Variants in IRAK2 observed in about 807,000 individuals in gnomAD.
IRAK2 encodes the protein interleukin-1 receptor-associated kinase-like 2.
Under a neutral mutation model 72.0 loss-of-function variants are expected in IRAK2, and 57 were observed. The observed-to-expected ratio is 0.79, with a 90% CI of 0.64 to 0.99. IRAK2 has a LOEUF of 0.99. Among genes scored for constraint, IRAK2 ranks in the 50% least tolerant of loss-of-function variants. IRAK2 has a pLI of 0.00. For missense variants in IRAK2, 790 were observed against 794.4 expected, an observed-to-expected ratio of 0.99 and a Z score of 0.07; for synonymous variants, 293 against 312.7, an observed-to-expected ratio of 0.94 and a Z score of 0.67.
chr3:10,177,628 A>G (rs1049189653), intron 1 of IRAK2, among the ~76,000 whole-genome samples: 1 of 152,120 alleles, frequency 6.6e-6, no homozygotes, highest in African/African-American at 2.4e-5. Flanking sequence ...CTTTCTCCTA[A>G]GTCATATGTA....
intron 12 of IRAK2, 58 bp from the exon 13 acceptor site, chr3:10,242,058 T>A (rs1477556923): frequency 5.2e-6 from 5 of 965,544 alleles, no homozygotes; most frequent in Non-Finnish European, 8.2e-6. Context: ...ACTTTAAGAA[T>A]TATAATAATA....
At chr3:10,199,940 T>G (rs1159841534) in intron 2 of IRAK2, among the ~76,000 whole-genome samples, 2 of 142,938 alleles carry the variant, frequency 1.4e-5, no homozygotes, top group Admixed American at 7.4e-5. Flanking sequence ...CAGGCTGGAG[T>G]GTAGTGGTGC....
At position 10,216,951 on chromosome 3, in the gene IRAK2, T is replaced by A; in HGVS notation, c.806T>A (p.Val269Asp). Residue 269 changes from valine (V) to aspartate (D), a missense_variant, in exon 7 of 13, where the codon GTC (valine) becomes GAC (aspartate). Coordinates refer to ENST00000256458, the MANE Select transcript of IRAK2 (RefSeq NM_001570.4). ...GATTCCAGATGCTGCCACCCCAATG[T>A]CTTACCTGTGCTGGGCTTCTGTGCT... ...QICLRCCHPN[V>D]LPVLGFCAAR... 1 of 1,614,106 alleles carries A rather than the reference T, an allele frequency of 6.2e-7. No individual in the cohort carries two copies. Among genetic ancestry groups the A allele is most frequent in the Non-Finnish European group, 8.5e-7 (1 of 1,179,958 alleles).
At chr3:10,238,623 ACAAAACAACCAGCATTAGGTTCTTCAGT>A in intron 11 of IRAK2, 97 bp from the exon 12 acceptor site, 1 of 939,218 alleles carries the variant, frequency 1.1e-6, no homozygotes, top group South Asian at 1.6e-5. Flanking sequence ...GTTTTTTCAG[ACAAAACAACCAGCATTAGGTTCTTCAGT>A]CTGCTCCCCG....
In IRAK2 at chr3:10,209,613, A is replaced by G; in HGVS notation, c.449A>G (p.Gln150Arg). ...GGGTCCTCTCCAGCCAGAGCCCACC[A>G]GCCGGCCTTTCTCCAGCCTCCTGAA... ...GPGSSPARAHQPAFLQPPEED... is the reference protein window; with the variant it reads ...GPGSSPARAHRPAFLQPPEED... Residue 150 changes from glutamine to arginine, a missense_variant, in exon 4 of 13, where the codon CAG becomes CGG. Physicochemically the swap from Gln to Arg is conservative, Grantham distance 43. Coordinates refer to ENST00000256458, the MANE Select transcript of IRAK2 (RefSeq NM_001570.4). The G allele has an allele frequency of 6.4e-7, 1 of 1,568,334 alleles. No homozygotes were observed. Among genetic ancestry groups the G allele is most frequent in the Middle Eastern group, 1.7e-4 (1 of 5,944 alleles).
chr3:10,236,043 T>C (rs903206106), intron 11 of IRAK2, among the ~76,000 whole-genome samples: 8 of 152,108 alleles, frequency 5.3e-5, no homozygotes, highest in Non-Finnish European at 1.0e-4. Flanking sequence ...TCATGGACAT[T>C]GCATAGTAAT....
intron 2 of IRAK2, among the ~76,000 whole-genome samples, chr3:10,181,635 G>A (rs1203386703): frequency 6.6e-6 from 1 of 152,060 alleles, no homozygotes; most frequent in Non-Finnish European, 1.5e-5. Context: ...ACTAGGGAAG[G>A]CCATGAAGGG....
At chr3:10,234,777 CA>C in intron 11 of IRAK2, 118 bp downstream of exon 11, 1 of 883,942 alleles carries the variant, frequency 1.1e-6, no homozygotes, top group African/African-American at 1.7e-5. Context: ...TTGCAAGCCG[CA>C]GAACCTCCTA....
At chr3:10,224,719 C>CCATTTAT (rs1303680681) in intron 9 of IRAK2, among the ~76,000 whole-genome samples, 1 of 47,880 alleles carries the variant, frequency 2.1e-5, no homozygotes, top group African/African-American at 5.3e-5. Context: ...CACCCTCCCA[C>CCATTTAT]CCACATACCC....
intron 3 of IRAK2, among the ~76,000 whole-genome samples, chr3:10,205,107 C>T (rs1032240450): frequency 3.9e-5 from 6 of 152,192 alleles, no homozygotes; most frequent in African/African-American, 1.4e-4. Context: ...CCACCCATGG[C>T]CAACTTCTGA....
intron 2 of IRAK2, among the ~76,000 whole-genome samples, chr3:10,199,652 A>T (rs1697323454): frequency 6.6e-6 from 1 of 152,100 alleles, no homozygotes; most frequent in South Asian, 2.1e-4. Context: ...GTTCAGGGAA[A>T]TGTGCAGTCT....
chr3:10,197,079 C>A (rs928792521), intron 2 of IRAK2, among the ~76,000 whole-genome samples: 4 of 151,916 alleles, frequency 2.6e-5, no homozygotes, highest in African/African-American at 9.7e-5. Context: ...AAGAAAAAAA[C>A]CCCACAATAT....
At chr3:10,226,967 A>G (rs1414622877) in intron 10 of IRAK2, among the ~76,000 whole-genome samples, 1 of 136,324 alleles carries the variant, frequency 7.3e-6, no homozygotes, top group Non-Finnish European at 1.6e-5. Context: ...AAAAAAAAAG[A>G]TTTTGGAATG....
chr3:10,234,519 G>T lies in IRAK2; in HGVS notation c.1333G>T (p.Gly445Cys). ...CGCCTCGCTCTGCTCCAGGAAGACG[G>T]GCGTGGAGAACGTGATGGCAAAGGA... Reference protein sequence around the residue: ...STASLCSRKTGVENVMAKEIC... With the variant: ...STASLCSRKTCVENVMAKEIC... The change falls in exon 11 of 13, where the codon GGC (glycine) becomes TGC (cysteine). Residue 445 changes from glycine (G) to cysteine (C), a missense_variant. Gly to Cys is a radical substitution (Grantham distance 159). Transcript: ENST00000256458. The T allele has an allele frequency of 6.2e-7, 1 of 1,614,176 alleles. No homozygotes were observed. The highest frequency in any genetic ancestry group is 8.5e-7 in the Non-Finnish European group (1 of 1,180,032).
At chr3:10,210,394 C>G (rs1305108517) in intron 4 of IRAK2, among the ~76,000 whole-genome samples, 1 of 151,830 alleles carries the variant, frequency 6.6e-6, no homozygotes, top group Non-Finnish European at 1.5e-5. Context: ...AAATGTATGA[C>G]CATATTGGTA....
chr3:10,197,020 T>C (rs1488621645), intron 2 of IRAK2, among the ~76,000 whole-genome samples: 1 of 152,036 alleles, frequency 6.6e-6, no homozygotes, highest in Non-Finnish European at 1.5e-5. Flanking sequence ...ACTGTGTAAA[T>C]AATGCATAAT....
intron 1 of IRAK2, among the ~76,000 whole-genome samples, chr3:10,172,479 A>C (rs1282135247): frequency 7.5e-6 from 1 of 133,750 alleles, no homozygotes; most frequent in African/African-American, 2.8e-5. Flanking sequence ...TGGAGGTTGC[A>C]GTGAGCTGAC....
chr3:10,217,078 G>C (rs2302860), intron 7 of IRAK2, 30 bp downstream of exon 7: 1,088,352 of 1,511,712 alleles, frequency 0.72, 405,053 homozygotes, highest in Non-Finnish European at 0.77. Flanking sequence ...TCAGAGAATG[G>C]GACCAGGCTG....
chr3:10,240,134 T>G (rs1575994730), intron 12 of IRAK2, among the ~76,000 whole-genome samples: 2 of 109,412 alleles, frequency 1.8e-5, no homozygotes, highest in African/African-American at 3.9e-5. Context: ...AGTGACAGAG[T>G]GAGACTCCGT....
Sources: allele counts gnomAD v4.1 joint callset (sites outside exome capture counted in the v4.1 genomes callset), GRCh38; gene constraint gnomAD v4.1.1; transcripts MANE v1.5; gene names NCBI Gene and HGNC (gene_info 2026-07-23, HGNC 2026-07-21).